Variants in PAWR observed in about 807,000 individuals in gnomAD.
PAWR encodes the protein pro-apoptotic WT1 regulator.
PAWR carries 23 observed loss-of-function variants against 32.0 expected under a neutral mutation model. The observed-to-expected ratio is 0.72, with a 90% confidence interval of 0.52 to 1.02. The LOEUF (loss-of-function observed/expected upper bound fraction) is 1.02, where lower values mean the gene tolerates loss of function less well. Among genes scored for constraint, PAWR ranks in the 50% least tolerant of loss-of-function variants. PAWR has a pLI of 0.00. For synonymous variants in PAWR, 226 were observed against 187.1 expected, an observed-to-expected ratio of 1.21 and a Z score of -1.70; for missense variants, 457 against 437.7, an observed-to-expected ratio of 1.04 and a Z score of -0.39.
At chr12:79,664,803 T>G (rs539402849) in intron 2 of PAWR, among the ~76,000 whole-genome samples, 80 of 152,176 alleles carry the variant, frequency 5.3e-4, no homozygotes, top group African/African-American at 1.8e-3. Context: ...ATTTTTTTTT[T>G]TTAAAGTTCC....
intron 2 of PAWR, among the ~76,000 whole-genome samples, chr12:79,671,253 A>G (rs1056559227): frequency 6.6e-6 from 1 of 152,214 alleles, no homozygotes; most frequent in African/African-American, 2.4e-5. Flanking sequence ...ACTAGACAAC[A>G]TAATTGAAAT....
intron 2 of PAWR, among the ~76,000 whole-genome samples, chr12:79,624,509 A>C (rs1392062485): frequency 1.3e-5 from 2 of 152,308 alleles, no homozygotes; most frequent in East Asian, 3.9e-4. Context: ...TATTCATCAC[A>C]CATAGTATCC....
intron 2 of PAWR, among the ~76,000 whole-genome samples, chr12:79,672,618 CCT>C (rs932639942): frequency 6.6e-6 from 1 of 152,034 alleles, no homozygotes; most frequent in African/African-American, 2.4e-5. Flanking sequence ...AGCCTATCTC[CCT>C]GTTTTATCCT....
Position 79,689,978 on chromosome 12 carries a change from C to T in PAWR, c.267G>A (p.Val89=), listed in dbSNP as rs1878905865. 7.5e-7 allele frequency: 1 copy of T among 1,340,288 alleles called. No homozygotes were observed. The highest frequency in any genetic ancestry group is 4.1e-5 in the Admixed American group (1 of 24,210). 83.0% of individuals were successfully genotyped at this position (1,340,288 alleles called of 1,614,324 possible). A position where few individuals can be genotyped will look rare whatever the true frequency, so the allele number is the denominator to read the frequency against. The part of the protein sequence containing the change: ...AAPAVPGPGG[V]NCAVGSAMLT... ...GCATGGCGGAGCCGACCGCGCAGTT[C>T]ACGCCCCCGGGACCGGGGACGGCAG... The change falls in exon 2 of 7, where the codon GTG becomes GTA. Residue 89 remains valine, a synonymous_variant. Transcript: ENST00000328827.
At chr12:79,611,664 A>G (rs1874446962) in intron 4 of PAWR, among the ~76,000 whole-genome samples, 1 of 152,096 alleles carries the variant, frequency 6.6e-6, no homozygotes, top group Non-Finnish European at 1.5e-5. Context: ...CTCCAAACCA[A>G]TAAAAAATGA....
rs866507182 is a variant in PAWR at position 79,632,349 on chromosome 12, A to T, written c.517-11142T>A. On this transcript the variant is annotated intron_variant, in intron 2 of 6. Coordinates refer to ENST00000328827, the MANE Select transcript of PAWR (RefSeq NM_002583.4). ...TATATATATATATATATATATATAT[A>T]TATATATATATATTTTTTTTTTTTT... Among the ~76,000 whole-genome samples, 153 of 33,548 alleles carry T rather than the reference A, an allele frequency of 4.6e-3. 14 individuals carry two copies. The highest frequency in any genetic ancestry group is 0.043 in the African/African-American group (118 of 2,754). 22.0% of individuals were successfully genotyped at this position (33,548 alleles called of 152,430 possible).
At chr12:79,662,613 A>G (rs561062831) in intron 2 of PAWR, among the ~76,000 whole-genome samples, 40 of 152,300 alleles carry the variant, frequency 2.6e-4, no homozygotes, top group Middle Eastern at 6.8e-3. Context: ...TTCCTTCTAC[A>G]AGGCAAAAGT....
intron 2 of PAWR, among the ~76,000 whole-genome samples, chr12:79,633,183 C>T (rs1443568137): frequency 1.3e-5 from 2 of 151,886 alleles, no homozygotes; most frequent in Non-Finnish European, 1.5e-5. Flanking sequence ...AAAACTTTTG[C>T]TATTCAAAAA....
At chr12:79,596,912 A>G (rs1054061987) in intron 4 of PAWR, 64 of 371,880 alleles carry the variant, frequency 1.7e-4, no homozygotes, top group African/African-American at 1.2e-3. Context: ...CTGAAGACGT[A>G]ACAGCAAACA....
intron 3 of PAWR, among the ~76,000 whole-genome samples, chr12:79,620,702 C>T (rs1013724869): frequency 1.3e-5 from 2 of 152,124 alleles, no homozygotes; most frequent in Non-Finnish European, 2.9e-5. Context: ...TATTCTGTGC[C>T]AGAGCGCAGG....
chr12:79,620,569 G>T (rs912666391), intron 3 of PAWR, among the ~76,000 whole-genome samples: 1 of 152,186 alleles, frequency 6.6e-6, no homozygotes, highest in Non-Finnish European at 1.5e-5. Context: ...TCCCATAAAG[G>T]GGCAGCCAGA....
chr12:79,600,097 G>A (rs1372162629), intron 4 of PAWR, among the ~76,000 whole-genome samples: 4 of 152,014 alleles, frequency 2.6e-5, no homozygotes, highest in African/African-American at 7.2e-5. Flanking sequence ...TTAGCACTTC[G>A]CCCATCAATT....
chr12:79,672,159 G>C (rs1233813249), intron 2 of PAWR, among the ~76,000 whole-genome samples: 1 of 151,916 alleles, frequency 6.6e-6, no homozygotes, highest in Admixed American at 6.6e-5. Context: ...TGCTGTAGTG[G>C]TCTGCCCTCT....
rs966143805 is a variant in PAWR at position 79,584,891 on chromosome 12, C to T, written c.*7716G>A. The T allele has an allele frequency of 2.5e-5, 5 of 199,236 alleles. No individual in the cohort carries two copies. Among genetic ancestry groups the T allele is most frequent in the Non-Finnish European group, 5.1e-5 (5 of 97,956 alleles). The allele number at this position is 199,236 out of a possible 1,614,324, so 12.3% of individuals were successfully genotyped here. A position where few individuals can be genotyped will look rare whatever the true frequency, so the allele number is the denominator to read the frequency against. ...AAAACAAATTGTATAACTGATGAAA[C>T]ATACATTTATTTTTTCCAATCAAGT... On this transcript the variant is annotated 3_prime_UTR_variant, in exon 7 of 7. Transcript: ENST00000328827.
chr12:79,638,883 TATATATATATATA>T (rs1208286693), intron 2 of PAWR, among the ~76,000 whole-genome samples: 2 of 11,084 alleles, frequency 1.8e-4, no homozygotes, highest in African/African-American at 8.7e-4. Context: ...TATATATATA[TATATATATATATA>T]TTTTTTTTTT....
At chr12:79,620,960 A>G (rs8176871) in intron 3 of PAWR, 116 bp downstream of exon 3, 3 of 740,262 alleles carry the variant, frequency 4.1e-6, no homozygotes, top group East Asian at 2.7e-5. Flanking sequence ...TAAGGAAGGC[A>G]TAAGTAGGAG....
intron 2 of PAWR, among the ~76,000 whole-genome samples, chr12:79,656,412 A>C (rs1877096593): frequency 6.6e-6 from 1 of 152,144 alleles, no homozygotes; most frequent in South Asian, 2.1e-4. Context: ...ACTAAAATTG[A>C]CAACATACGG....
At chr12:79,683,928 G>A (rs1878563433) in intron 2 of PAWR, among the ~76,000 whole-genome samples, 1 of 152,056 alleles carries the variant, frequency 6.6e-6, no homozygotes, top group Non-Finnish European at 1.5e-5. Context: ...TCTGTAAAGT[G>A]GGAAAGGCTG....
intron 2 of PAWR, among the ~76,000 whole-genome samples, chr12:79,673,828 C>G (rs1448147194): frequency 6.6e-6 from 1 of 152,022 alleles, no homozygotes; most frequent in Admixed American, 6.5e-5. Context: ...AATAAAACAC[C>G]TAGGAATAAG....
Sources: gnomAD v4.1 joint callset for allele counts (sites outside exome capture counted in the v4.1 genomes callset) on GRCh38, gnomAD v4.1.1 for gene constraint, MANE v1.5 for transcripts, NCBI Gene and HGNC (gene_info 2026-07-23, HGNC 2026-07-21) for gene names.